CAMK2D: variants seen among roughly 807,000 people sequenced by gnomAD.
CAMK2D encodes the protein calcium/calmodulin-dependent protein kinase type II subunit delta.
CAMK2D carries 37 observed loss-of-function variants against 84.0 expected under a neutral mutation model. That is an observed-to-expected ratio of 0.44 (90% confidence interval 0.34 to 0.58). The LOEUF (loss-of-function observed/expected upper bound fraction) is 0.58, where lower values mean the gene tolerates loss of function less well. Ranked by LOEUF, CAMK2D falls within the 20% of genes least tolerant of loss-of-function variation. CAMK2D has a pLI of 0.02. For missense variants in CAMK2D, 448 were observed against 652.5 expected, an observed-to-expected ratio of 0.69 and a Z score of 3.41; for synonymous variants, 202 against 212.5, an observed-to-expected ratio of 0.95 and a Z score of 0.43.
At chr4:113,714,348 T>C (rs1476529763) in intron 2 of CAMK2D, among the ~76,000 whole-genome samples, 2 of 152,086 alleles carry the variant, frequency 1.3e-5, no homozygotes, top group Non-Finnish European at 2.9e-5. Flanking sequence ...ACACTCCAAT[T>C]CCGCTGCTTC....
chr4:113,523,169 G>A (rs376522790), intron 8 of CAMK2D, among the ~76,000 whole-genome samples: 3 of 152,274 alleles, frequency 2.0e-5, no homozygotes, highest in East Asian at 3.9e-4. Context: ...AAGAAATTTC[G>A]TTGTTTATAA....
intron 2 of CAMK2D, among the ~76,000 whole-genome samples, chr4:113,689,864 A>G (rs2099380255): frequency 6.6e-6 from 1 of 152,224 alleles, no homozygotes; most frequent in Admixed American, 6.5e-5. Flanking sequence ...CCACTAGAAC[A>G]CTAACTTCTT....
intron 2 of CAMK2D, among the ~76,000 whole-genome samples, chr4:113,732,981 A>G (rs966472707): frequency 1.3e-5 from 2 of 152,162 alleles, no homozygotes; most frequent in Admixed American, 6.5e-5. Flanking sequence ...ACACAGGGTA[A>G]AAATTAATTT....
At chr4:113,575,406 AT>A (rs2098775888) in intron 4 of CAMK2D, among the ~76,000 whole-genome samples, 1 of 152,204 alleles carries the variant, frequency 6.6e-6, no homozygotes, top group Non-Finnish European at 1.5e-5. Flanking sequence ...TATTTAATTA[AT>A]TTTGATGGCT....
intron 16 of CAMK2D, 132 bp downstream of exon 16, chr4:113,500,331 T>A (rs1389887986): frequency 2.0e-6 from 1 of 496,868 alleles, no homozygotes; most frequent in African/African-American, 1.9e-5. Context: ...TATTTTTTAC[T>A]CATAAATAAA....
intron 4 of CAMK2D, among the ~76,000 whole-genome samples, chr4:113,563,060 G>T (rs1306251374): frequency 1.3e-5 from 2 of 151,800 alleles, no homozygotes; most frequent in African/African-American, 4.8e-5. Context: ...TCGAGGCCAG[G>T]CTAGCCAACA....
intron 2 of CAMK2D, among the ~76,000 whole-genome samples, chr4:113,663,637 A>C (rs2099245590): frequency 6.7e-6 from 1 of 148,738 alleles, no homozygotes; most frequent in African/African-American, 2.5e-5. Flanking sequence ...CATGAAAGAC[A>C]TATACTTAAA....
chr4:113,712,483 A>G (rs2099496534), intron 2 of CAMK2D, among the ~76,000 whole-genome samples: 1 of 152,132 alleles, frequency 6.6e-6, no homozygotes, highest in Non-Finnish European at 1.5e-5. Context: ...CCAATTAAAT[A>G]TTAACAAATC....
At chr4:113,524,027 G>A (rs1307979032) in intron 8 of CAMK2D, among the ~76,000 whole-genome samples, 1 of 151,860 alleles carries the variant, frequency 6.6e-6, no homozygotes, top group Non-Finnish European at 1.5e-5. Context: ...GTGCTACCAT[G>A]CCCGGCTAAT....
chr4:113,732,577 T>A (rs1422939999), intron 2 of CAMK2D, among the ~76,000 whole-genome samples: 1 of 152,218 alleles, frequency 6.6e-6, no homozygotes, highest in South Asian at 2.1e-4. Context: ...ATCAATTACA[T>A]GATAATTCAC....
intron 3 of CAMK2D, among the ~76,000 whole-genome samples, chr4:113,639,203 C>T (rs2099122258): frequency 6.6e-6 from 1 of 151,752 alleles, no homozygotes; most frequent in Non-Finnish European, 1.5e-5. Flanking sequence ...GATCTCTTCA[C>T]TGCACTCCAG....
At chr4:113,757,046 G>A (rs2099630081) in intron 2 of CAMK2D, among the ~76,000 whole-genome samples, 2 of 152,020 alleles carry the variant, frequency 1.3e-5, no homozygotes, top group Admixed American at 6.6e-5. Flanking sequence ...TGAATCCTCA[G>A]AACACCCCAT....
rs749111654 is a variant in CAMK2D, at chr4:113,513,919, A to G, written c.820-6T>C. On this transcript the variant is annotated splice_region_variant and splice_polypyrimidine_tract_variant and intron_variant, in intron 10 of 20. Coordinates refer to ENST00000511664, the MANE Select transcript of CAMK2D (RefSeq NM_001321571.2). Reference sequence around the variant, plus strand: ...GAAGCAACAGTAGAACGTTGCTAGAAGAAGAGGAGAAAAAGTAACTTAATT... The same window carrying G: ...GAAGCAACAGTAGAACGTTGCTAGAGGAAGAGGAGAAAAAGTAACTTAATT... 4 of 1,449,788 alleles carry G rather than the reference A, an allele frequency of 2.8e-6. No homozygotes were observed. Among genetic ancestry groups the G allele is most frequent in the South Asian group, 2.4e-5 (2 of 83,994 alleles). 89.8% of individuals were successfully genotyped at this position (1,449,788 alleles called of 1,614,324 possible).
At chr4:113,601,919 A>G (rs2098954972) in intron 4 of CAMK2D, among the ~76,000 whole-genome samples, 1 of 151,430 alleles carries the variant, frequency 6.6e-6, no homozygotes. Context: ...CTGGTCTCGA[A>G]CTCCTGGGCT....
At chr4:113,548,620 C>T (rs1444040021) in intron 5 of CAMK2D, 5 of 1,068,152 alleles carry the variant, frequency 4.7e-6, no homozygotes, top group Non-Finnish European at 7.1e-6. Flanking sequence ...AAAAATAAAA[C>T]TGCTTTGATT....
chr4:113,587,087 G>C (rs1188249391), intron 4 of CAMK2D, among the ~76,000 whole-genome samples: 1 of 152,106 alleles, frequency 6.6e-6, no homozygotes, highest in Admixed American at 6.6e-5. Flanking sequence ...TCAGTGTCAG[G>C]CAAATCTAAG....
chr4:113,714,951 T>C (rs528141617), intron 2 of CAMK2D, among the ~76,000 whole-genome samples: 1 of 152,284 alleles, frequency 6.6e-6, no homozygotes, highest in South Asian at 2.1e-4. Context: ...AAAATTTTAT[T>C]GAATTTATAG....
At chr4:113,627,907 T>A (rs1250113735) in intron 3 of CAMK2D, among the ~76,000 whole-genome samples, 1 of 152,150 alleles carries the variant, frequency 6.6e-6, no homozygotes, top group Non-Finnish European at 1.5e-5. Flanking sequence ...CAGATGGGAT[T>A]ACAAATAAAT....
At chr4:113,742,753 A>G (rs1410346615) in intron 2 of CAMK2D, among the ~76,000 whole-genome samples, 2 of 152,210 alleles carry the variant, frequency 1.3e-5, no homozygotes, top group Non-Finnish European at 2.9e-5. Flanking sequence ...TAGGAATGTA[A>G]GCAAGGCACA....
Sources: gnomAD v4.1 joint callset for allele counts (sites outside exome capture counted in the v4.1 genomes callset) on GRCh38, gnomAD v4.1.1 for gene constraint, MANE v1.5 for transcripts, NCBI Gene and HGNC (gene_info 2026-07-23, HGNC 2026-07-21) for gene names.